ADCY4: variants seen among roughly 807,000 people sequenced by gnomAD.
The protein encoded by ADCY4 is adenylate cyclase type 4.
Under a neutral mutation model 125.5 loss-of-function variants are expected in ADCY4, and 111 were observed. The observed-to-expected ratio is 0.88, with a 90% CI of 0.76 to 1.04. The LOEUF is 1.04. Ranked by LOEUF, ADCY4 falls within the 50% of genes least tolerant of loss-of-function variation. ADCY4 has a pLI of 0.00. For missense variants in ADCY4, 1,256 were observed against 1,382.9 expected, an observed-to-expected ratio of 0.91 and a Z score of 1.46; for synonymous variants, 576 against 586.9, an observed-to-expected ratio of 0.98 and a Z score of 0.27.
At position 24,319,344 on chromosome 14, in the gene ADCY4, T is replaced by C; in HGVS notation, c.2826A>G (p.Gly942=). 6.2e-7 allele frequency: 1 copy of C among 1,614,128 alleles called. No homozygotes were observed. Among genetic ancestry groups the C allele is most frequent in the Non-Finnish European group, 8.5e-7 (1 of 1,180,008 alleles). ...GTTGCCGTACCTGTTGTGCATCCTG[T>C]CCAGAGGTGGCATTTAAGCCTGTGG... ...MAATGLNATS[G]QDAQQDAERS... The change falls in exon 22 of 25, where the codon GGA becomes GGG. Residue 942 remains glycine, a synonymous_variant. Transcript: ENST00000418030. The surrounding 1 kb of genome is among the most constrained non-coding windows in gnomAD (Gnocchi z 4.5).
Position 24,322,342 on chromosome 14 carries a change from A to G in ADCY4, c.2428-118T>C, listed in dbSNP as rs1216208075. On this transcript the variant is annotated intron_variant, in intron 19 of 24. Transcript: ENST00000418030. The stretch of plus-strand genomic sequence containing the variant: ...ACCCCCACCCCACCCCCAGTTTAGA[A>G]GTAGAGCTTAAGGTGTAAGTATACT... The G allele has an allele frequency of 1.2e-5, 14 of 1,203,198 alleles. No homozygotes were observed. In the East Asian group the frequency reaches 2.7e-4, roughly 23 times the overall value. 74.5% of individuals were successfully genotyped at this position (1,203,198 alleles called of 1,614,324 possible). A position where few individuals can be genotyped will look rare whatever the true frequency, so the allele number is the denominator to read the frequency against.
At position 24,319,925 on chromosome 14, in the gene ADCY4, C is replaced by A; in HGVS notation, c.2587-37G>T. On this transcript the variant is annotated intron_variant, in intron 20 of 24. Transcript: ENST00000418030. This position sits in a 1 kb window ranked among gnomAD's most constrained non-coding sequence, Gnocchi z 4.5. ...GGAGACTGGAGTGAGGGGTGTGTGT[C>A]ATGTTCCTCTCCCTTCTAGAGGTCT... 1.2e-6 allele frequency: 2 copies of A among 1,608,324 alleles called. No individual in the cohort carries two copies. Among genetic ancestry groups the A allele is most frequent in the South Asian group, 2.2e-5 (2 of 90,838 alleles).
At chr14:24,323,560 C>A in intron 16 of ADCY4, 106 bp from the exon 17 acceptor site, 1 of 1,499,518 alleles carries the variant, frequency 6.7e-7, no homozygotes, top group Non-Finnish European at 8.9e-7. Context: ...AAGACTCGTC[C>A]AAAGGGGTGG....
chr14:24,329,579 T>C, intron 8 of ADCY4, 46 bp from the exon 9 acceptor site: 1 of 1,499,580 alleles, frequency 6.7e-7, no homozygotes, highest in Non-Finnish European at 8.9e-7. Flanking sequence ...GGCCTTCAAA[T>C]CTCCTATTTC....
At chr14:24,329,008 T>A in intron 10 of ADCY4, 53 bp downstream of exon 10, 2 of 1,583,138 alleles carry the variant, frequency 1.3e-6, no homozygotes, top group Non-Finnish European at 1.7e-6. Context: ...GGCCTGAGGA[T>A]ACTGGGGGTG....
chr14:24,323,944 AT>A, intron 16 of ADCY4, 117 bp downstream of exon 16: 1 of 1,399,258 alleles, frequency 7.1e-7, no homozygotes, highest in South Asian at 1.4e-5. Flanking sequence ...TTTGTACAAC[AT>A]TTCCAGCATC....
In ADCY4 at chr14:24,323,017, C is replaced by T. The variant is rs757710855; in HGVS notation, c.2229G>A (p.Lys743=). The T allele has an allele frequency of 1.9e-6, 3 of 1,614,040 alleles. No individual in the cohort carries two copies. The South Asian group carries it at 3.3e-5, about 18-fold the overall frequency. ...CCAGCCACAGCAGGAGCAGCAGCAG[C>T]TTCAGCTCGAAGCTCATGTGCAGAA... is the stretch of plus-strand genomic sequence containing the variant. ...SLFLHMSFEL[K]LLLLLLWLAA... is the part of the protein sequence containing the mutation. Residue 743 remains lysine (K), a synonymous_variant, in exon 18 of 25, where the codon AAG becomes AAA. Transcript: ENST00000418030.
chr14:24,330,207 T>C lies in ADCY4; in HGVS notation c.1019A>G (p.Asn340Ser). The C allele has an allele frequency of 6.2e-7, 1 of 1,614,198 alleles. No individual in the cohort carries two copies. Among genetic ancestry groups the C allele is most frequent in the Non-Finnish European group, 8.5e-7 (1 of 1,180,032 alleles). The change falls in exon 7 of 25, where the codon AAC becomes AGC. Residue 340 changes from asparagine to serine, a missense_variant. Coordinates refer to ENST00000418030, the MANE Select transcript of ADCY4 (RefSeq NM_001198568.2). Reference sequence around the variant, plus strand: ...CATGTCCAGGCCCATGCGCACGCAGTTGATGGCATGGTCTGGCAGTGAGAG... The same window carrying C: ...CATGTCCAGGCCCATGCGCACGCAGCTGATGGCATGGTCTGGCAGTGAGAG... ...LPLSLPDHAI[N>S]CVRMGLDMCR...
chr14:24,324,236 G>C, intron 15 of ADCY4, 37 bp from the exon 16 acceptor site: 1 of 1,614,088 alleles, frequency 6.2e-7, no homozygotes, highest in Non-Finnish European at 8.5e-7. Flanking sequence ...CCACGGGGCT[G>C]GGGCACCCTC....
At position 24,320,023 on chromosome 14, in the gene ADCY4, A is replaced by T. The variant is rs924607302; in HGVS notation, c.2587-135T>A. 2.5e-5 allele frequency: 27 copies of T among 1,069,742 alleles called. No homozygotes were observed. The African/African-American group carries it at 3.7e-4, about 15-fold the overall frequency. 66.3% of individuals were successfully genotyped at this position (1,069,742 alleles called of 1,614,324 possible). Reference sequence around the variant, plus strand: ...AGAAGAATTGGGAAGGAGGGAGAGGAGTAGGGCCAGGCTACCCCAGGGAAG... The same window carrying T: ...AGAAGAATTGGGAAGGAGGGAGAGGTGTAGGGCCAGGCTACCCCAGGGAAG... On this transcript the variant is annotated intron_variant, in intron 20 of 24. Coordinates refer to ENST00000418030, the MANE Select transcript of ADCY4 (RefSeq NM_001198568.2).
In ADCY4 at chr14:24,329,872, C is replaced by T. The variant is rs776011143; in HGVS notation, c.1205G>A (p.Gly402Asp). 3 of 1,613,688 alleles carry T rather than the reference C, an allele frequency of 1.9e-6. No individual in the cohort carries two copies. In the Admixed American group the frequency reaches 5.0e-5, roughly 27 times the overall value. ...DVTLANHMEA[G>D]GVPGRVHITG... is the part of the protein sequence containing the mutation. ...CCCTAGGTCTCACCCTGGTACACCG[C>T]CTGCCTCCATGTGGTTAGCCAGTGT... The change falls in exon 8 of 25, where the codon GGC becomes GAC. Residue 402 changes from glycine (G) to aspartate (D), a missense_variant. Coordinates refer to ENST00000418030, the MANE Select transcript of ADCY4 (RefSeq NM_001198568.2).
At chr14:24,329,830 G>T in intron 8 of ADCY4, 30 bp downstream of exon 8, 1 of 1,600,440 alleles carries the variant, frequency 6.2e-7, no homozygotes, top group East Asian at 2.2e-5. Context: ...TTGGCCTTCT[G>T]CTGTAGCTGC....
chr14:24,327,111 G>A (rs926180541), intron 10 of ADCY4, among the ~76,000 whole-genome samples: 5 of 151,906 alleles, frequency 3.3e-5, no homozygotes, highest in Admixed American at 1.3e-4. Context: ...TGGCCGGGCT[G>A]GTCTCAAACT....
chr14:24,324,626 G>A (rs544979848), intron 14 of ADCY4, among the ~76,000 whole-genome samples: 3 of 152,308 alleles, frequency 2.0e-5, no homozygotes, highest in South Asian at 2.1e-4. Flanking sequence ...GGGAGTGGGG[G>A]CTCACAAGAA....
In ADCY4 at chr14:24,331,775, A is replaced by G. The variant is rs1452208796; in HGVS notation, c.669+13T>C. The G allele has an allele frequency of 6.4e-7, 1 of 1,565,804 alleles. No individual in the cohort carries two copies. Among genetic ancestry groups the G allele is most frequent in the South Asian group, 1.1e-5 (1 of 88,604 alleles). On this transcript the variant is annotated intron_variant, in intron 4 of 24. Transcript: ENST00000418030. ...CTCGGAGCGCTGCTCTGACCTTCCT[A>G]GGCCCGGCTGACCTGGTGCTTCTTC...
rs773412791 is a variant in ADCY4 at position 24,322,674 on chromosome 14, C to T, written c.2377G>A (p.Ala793Thr). ...GVLKEPKLMG[A>T]ISFFIFFFTL... ...AAGAAGAAGATGAAGAAGGAGATAG[C>T]ACCCATCAGTTTGGGCTCCTTCAGC... is the stretch of plus-strand genomic sequence containing the variant. The change falls in exon 19 of 25, where the codon GCT becomes ACT. Residue 793 changes from alanine to threonine, a missense_variant. By Grantham distance (58) the Ala-to-Thr change is moderately conservative. Transcript: ENST00000418030. 21 of 1,614,050 alleles carry T rather than the reference C, an allele frequency of 1.3e-5. 2 individuals carry two copies. The South Asian group carries it at 1.9e-4, about 14-fold the overall frequency.
At chr14:24,329,327 C>T in intron 9 of ADCY4, 74 bp downstream of exon 9, 2 of 1,569,084 alleles carry the variant, frequency 1.3e-6, no homozygotes, top group Non-Finnish European at 1.7e-6. Flanking sequence ...ATCTCTGGCA[C>T]AGAAGAGATC....
intron 20 of ADCY4, 183 bp downstream of exon 20, chr14:24,321,883 T>C (rs1320128859): frequency 6.0e-6 from 8 of 1,338,600 alleles, no homozygotes; most frequent in Admixed American, 3.0e-5. Flanking sequence ...GAATTTGAAA[T>C]GCAGTTTTGT....
At chr14:24,327,747 G>A (rs1302404862) in intron 10 of ADCY4, among the ~76,000 whole-genome samples, 2 of 152,200 alleles carry the variant, frequency 1.3e-5, no homozygotes, top group African/African-American at 2.4e-5. Flanking sequence ...CCTTTGTGGT[G>A]TCAGGGGAAG....
Sources: allele counts gnomAD v4.1 joint callset (sites outside exome capture counted in the v4.1 genomes callset), GRCh38; gene constraint gnomAD v4.1.1; non-coding constraint Gnocchi (gnomAD v3.1); transcripts MANE v1.5; gene names NCBI Gene and HGNC (gene_info 2026-07-23, HGNC 2026-07-21).